Variants in SPTAN1 observed in about 807,000 individuals in gnomAD.
The protein encoded by SPTAN1 is spectrin alpha chain, non-erythrocytic 1.
SPTAN1 carries 61 observed loss-of-function variants against 331.3 expected under a neutral mutation model. The ratio of observed to expected loss-of-function variants is 0.18; its 90% CI spans 0.15 to 0.23. The LOEUF (loss-of-function observed/expected upper bound fraction) is 0.23. SPTAN1 is among the 10% of genes least tolerant of loss of function. SPTAN1 has a pLI of 1.00. For missense variants in SPTAN1, 2,043 were observed against 3,147.9 expected, an observed-to-expected ratio of 0.65 and a Z score of 8.40; for synonymous variants, 1,153 against 1,173.9, an observed-to-expected ratio of 0.98 and a Z score of 0.36.
chr9:128,621,587 A>G (rs564788652), intron 45 of SPTAN1: 119 of 400,030 alleles, frequency 3.0e-4, no homozygotes, highest in African/African-American at 2.4e-3. Context: ...TAAAATAAAA[A>G]TTACCCATAA....
intron 3 of SPTAN1, among the ~76,000 whole-genome samples, chr9:128,573,821 A>G (rs1440245166): frequency 6.7e-6 from 1 of 148,288 alleles, no homozygotes; most frequent in Non-Finnish European, 1.5e-5. Flanking sequence ...TGGCACAATC[A>G]TGGCTCACTG....
intron 38 of SPTAN1, 107 bp from the exon 39 acceptor site, chr9:128,612,002 T>C: frequency 6.2e-7 from 1 of 1,604,254 alleles, no homozygotes; most frequent in Non-Finnish European, 8.5e-7. Flanking sequence ...GAATGGCTCC[T>C]ATGAGTGTTT....
At position 128,633,386 on chromosome 9, in the gene SPTAN1, G is replaced by A. The variant is rs1238242836; in HGVS notation, c.*52G>A. On this transcript the variant is annotated 3_prime_UTR_variant, in exon 57 of 57. Coordinates refer to ENST00000372739, the MANE Select transcript of SPTAN1 (RefSeq NM_001130438.3). ...GCTGCTTGCCCTGCGTCGCCTTGCT[G>A]CATGTCCGCTCCTCTGTGTGCTCTC... 1 of 1,611,892 alleles carries A rather than the reference G, an allele frequency of 6.2e-7. No individual in the cohort carries two copies. Among genetic ancestry groups the A allele is most frequent in the Non-Finnish European group, 8.5e-7 (1 of 1,179,826 alleles).
In SPTAN1 at chr9:128,598,433, A is replaced by G. The variant is rs145516440; in HGVS notation, c.3448A>G (p.Ile1150Val). ...LKANESRLKD[I>V]NKVAEDLESE... ...GGCCAATGAGTCACGGTTGAAGGAC[A>G]TTAACAAGGTAGCTGAAGACCTGGA... The change falls in exon 25 of 57, where the codon ATT becomes GTT. Residue 1150 changes from isoleucine to valine, a missense_variant. Ile to Val is a conservative substitution (Grantham distance 29, BLOSUM62 3). This residue lies in a region of SPTAN1 where 1,038 missense variants were observed against 1,531.5 expected (regional missense o/e 0.68). Transcript: ENST00000372739. The G allele has an allele frequency of 6.8e-6, 11 of 1,613,370 alleles. No individual in the cohort carries two copies. In the African/African-American group the frequency reaches 1.1e-4, roughly 16 times the overall value.
rs556114232 is a variant in SPTAN1 at position 128,633,585 on chromosome 9, C to A, written c.*251C>A. The stretch of plus-strand genomic sequence containing the variant: ...CTTCAGAAAATCGAAGCAGCTGGCT[C>A]CTCCCCTTGTTCTCTCTCCCACCCT... On this transcript the variant is annotated 3_prime_UTR_variant, in exon 57 of 57. Coordinates refer to ENST00000372739, the MANE Select transcript of SPTAN1 (RefSeq NM_001130438.3). 9.1e-6 allele frequency: 10 copies of A among 1,095,060 alleles called. No homozygotes were observed. In the Admixed American group the frequency reaches 2.1e-4, roughly 23 times the overall value. The allele number at this position is 1,095,060 out of a possible 1,614,324, so 67.8% of individuals were successfully genotyped here.
chr9:128,562,673 C>T (rs967319237), intron 1 of SPTAN1, among the ~76,000 whole-genome samples: 1 of 148,144 alleles, frequency 6.8e-6, no homozygotes, highest in Non-Finnish European at 1.5e-5. Context: ...AGACTTAGGG[C>T]AGCAGTGTAA....
chr9:128,561,033 A>G (rs113308469), intron 1 of SPTAN1, among the ~76,000 whole-genome samples: 5 of 148,516 alleles, frequency 3.4e-5, no homozygotes, highest in African/African-American at 1.3e-4. Flanking sequence ...AAAAAAAAAA[A>G]AAGAAGTGAA....
chr9:128,589,026 C>A (rs1366046782), intron 21 of SPTAN1, 83 bp downstream of exon 21: 2 of 1,567,234 alleles, frequency 1.3e-6, no homozygotes, highest in East Asian at 4.6e-5. Flanking sequence ...GGTTGCATGT[C>A]TCCCTGAAAT....
At chr9:128,587,359 A>T (rs1852788667) in intron 19 of SPTAN1, among the ~76,000 whole-genome samples, 1 of 152,236 alleles carries the variant, frequency 6.6e-6, no homozygotes, top group Non-Finnish European at 1.5e-5. Context: ...TGCTGGGATT[A>T]CAGGCATAAG....
At chr9:128,600,972 G>GGCTTT (rs1855048515) in intron 27 of SPTAN1, among the ~76,000 whole-genome samples, 1 of 22,228 alleles carries the variant, frequency 4.5e-5, no homozygotes, top group Non-Finnish European at 1.2e-4. Context: ...CAGGGAGAAA[G>GGCTTT]TCTTTTTTTT....
rs1859976612 is a variant in SPTAN1 at position 128,632,728 on chromosome 9, T to C, written c.7160+10T>C. ...CGGTGGATCCGAACAGGTAAATTAA[T>C]TAAGGCCAGGTGCTGTGAGCCTCTG... On this transcript the variant is annotated intron_variant, in intron 55 of 56. Coordinates refer to ENST00000372739, the MANE Select transcript of SPTAN1 (RefSeq NM_001130438.3). 2.0e-5 allele frequency: 32 copies of C among 1,613,870 alleles called. No individual in the cohort carries two copies. The highest frequency in any genetic ancestry group is 2.5e-5 in the Non-Finnish European group (30 of 1,180,008).
chr9:128,590,951 A>G (rs1767777657), intron 21 of SPTAN1, among the ~76,000 whole-genome samples: 1 of 152,262 alleles, frequency 6.6e-6, no homozygotes, highest in African/African-American at 2.4e-5. Context: ...AGAGAAGGCC[A>G]GCCTTGGTGG....
At chr9:128,586,111 GGT>G (rs1852584975) in intron 19 of SPTAN1, 146 bp downstream of exon 19, 5 of 430,126 alleles carry the variant, frequency 1.2e-5, no homozygotes, top group East Asian at 9.7e-5. Flanking sequence ...TTTTTCACTT[GGT>G]TTTTTTTTTT....
chr9:128,607,884 C>T lies in SPTAN1; in HGVS notation c.4179C>T (p.Gly1393=), dbSNP rs1856093587. 1 of 1,614,072 alleles carries T rather than the reference C, an allele frequency of 6.2e-7. No individual in the cohort carries two copies. The part of the protein sequence containing the change: ...EHRTEIDARA[G]TFQAFEQFGQ... ...GGACAGAAATCGATGCCAGGGCTGG[C>T]ACTTTCCAGGCATTTGAGCAGTTTG... The change falls in exon 33 of 57, where the codon GGC becomes GGT. Residue 1393 remains glycine, a synonymous_variant. Coordinates refer to ENST00000372739, the MANE Select transcript of SPTAN1 (RefSeq NM_001130438.3).
intron 1 of SPTAN1, chr9:128,553,459 G>T (rs1158320616): frequency 6.6e-6 from 1 of 152,196 alleles, no homozygotes; most frequent in Non-Finnish European, 1.5e-5. Flanking sequence ...TGGGTCTTTC[G>T]AGTCGAGATA....
intron 13 of SPTAN1, 42 bp from the exon 14 acceptor site, chr9:128,582,652 G>A: frequency 6.2e-7 from 1 of 1,611,278 alleles, no homozygotes. Flanking sequence ...TATCCCTTTG[G>A]GAGTGAACAC....
chr9:128,590,208 A>G (rs1291357780), intron 21 of SPTAN1, among the ~76,000 whole-genome samples: 1 of 152,162 alleles, frequency 6.6e-6, no homozygotes, highest in Non-Finnish European at 1.5e-5. Context: ...TGTGATTCTT[A>G]TCTTTCTATT....
rs1856131923 is a variant in SPTAN1, at chr9:128,608,121, C to A, written c.4345-9C>A. On this transcript the variant is annotated splice_polypyrimidine_tract_variant and intron_variant, in intron 33 of 56. Coordinates refer to ENST00000372739, the MANE Select transcript of SPTAN1 (RefSeq NM_001130438.3). ...CCTCATTTTCTCACCTGCCTCTTGC[C>A]CTCTTTAGCTGTTCCATCGGGACTG... 1 of 1,614,032 alleles carries A rather than the reference C, an allele frequency of 6.2e-7. No individual in the cohort carries two copies. Among genetic ancestry groups the A allele is most frequent in the Admixed American group, 1.7e-5 (1 of 59,984 alleles).
rs563422540 is a variant in SPTAN1 at position 128,563,616 on chromosome 9, C to G, written c.-3-3122C>G. ...TTTACAATATGCAAACTGAAAGATT[C>G]GTTATGGAGCTCTCTCCCTACCCCT... is the stretch of plus-strand genomic sequence containing the variant. On this transcript the variant is annotated intron_variant, in intron 1 of 56. Coordinates refer to ENST00000372739, the MANE Select transcript of SPTAN1 (RefSeq NM_001130438.3). Among the ~76,000 whole-genome samples, 17 of 152,026 alleles carry G rather than the reference C, an allele frequency of 1.1e-4. No individual in the cohort carries two copies. In the South Asian group the frequency reaches 2.9e-3, roughly 26 times the overall value.
Sources: gnomAD v4.1 joint callset for allele counts (sites outside exome capture counted in the v4.1 genomes callset) on GRCh38, gnomAD v4.1.1 for gene constraint, gnomAD v4.1.1 regional missense constraint, MANE v1.5 for transcripts, NCBI Gene and HGNC (gene_info 2026-07-23, HGNC 2026-07-21) for gene names.